MGAT4C: variants seen among roughly 807,000 people sequenced by gnomAD.
MGAT4C encodes the protein alpha-1,3-mannosyl-glycoprotein 4-beta-N-acetylglucosaminyltransferase C.
Under a neutral mutation model 40.1 loss-of-function variants are expected in MGAT4C, and 19 were observed. That is an observed-to-expected ratio of 0.47 (90% CI 0.33 to 0.70). The LOEUF is 0.70. Among genes scored for constraint, MGAT4C ranks in the 30% least tolerant of loss-of-function variants. The probability of loss-of-function intolerance (pLI) is 0.02; values close to 1 mark genes in which losing one functional copy is unlikely to be tolerated. For missense variants in MGAT4C, 491 were observed against 563.2 expected (o/e 0.87, Z 1.30); for synonymous variants, 181 against 187.1 (o/e 0.97, Z 0.27).
chr12:86,499,337 C>T (rs1238863956), intron 2 of MGAT4C, among the ~76,000 whole-genome samples: 1 of 151,366 alleles, frequency 6.6e-6, no homozygotes, highest in African/African-American at 2.4e-5. Context: ...TATACATACT[C>T]TATAATACAC....
At chr12:86,684,700 C>G (rs779344046) in intron 2 of MGAT4C, among the ~76,000 whole-genome samples, 10 of 152,114 alleles carry the variant, frequency 6.6e-5, no homozygotes, top group East Asian at 5.8e-4. Context: ...TCTGTTGTTT[C>G]CTGACTTTTT....
intron 1 of MGAT4C, among the ~76,000 whole-genome samples, chr12:86,831,813 A>C (rs1377718123): frequency 5.3e-5 from 8 of 151,848 alleles, no homozygotes; most frequent in Admixed American, 5.3e-4. Flanking sequence ...TAGATATTAT[A>C]ATTAAAACCT....
At chr12:86,369,829 C>CA (rs1343427728) in intron 3 of MGAT4C, among the ~76,000 whole-genome samples, 2 of 151,940 alleles carry the variant, frequency 1.3e-5, no homozygotes, top group South Asian at 2.1e-4. Context: ...CTTCAATAGA[C>CA]AATTTATATG....
At chr12:86,373,656 T>C (rs1166359187) in intron 3 of MGAT4C, among the ~76,000 whole-genome samples, 1 of 148,998 alleles carries the variant, frequency 6.7e-6, no homozygotes, top group Non-Finnish European at 1.5e-5. Context: ...GAAAATAGTT[T>C]TTTTTTTTTT....
At chr12:86,025,492 T>C (rs563000310) in intron 2 of MGAT4C, among the ~76,000 whole-genome samples, 3 of 151,886 alleles carry the variant, frequency 2.0e-5, no homozygotes, top group South Asian at 2.1e-4. Context: ...AAAGATGTCA[T>C]GAGAGAATTA....
At position 85,971,752 on chromosome 12, in the gene MGAT4C, G is replaced by C. The variant is rs1883632933; in HGVS notation, c.*7537C>G. 6.6e-6 allele frequency: 1 copy of C among 151,154 alleles called. No homozygotes were observed. Among genetic ancestry groups the C allele is most frequent in the Non-Finnish European group, 1.5e-5 (1 of 67,340 alleles). The allele number at this position is 151,154 out of a possible 1,614,324, so 9.4% of individuals were successfully genotyped here. A position where few individuals can be genotyped will look rare whatever the true frequency, so the allele number is the denominator to read the frequency against. On this transcript the variant is annotated 3_prime_UTR_variant, in exon 5 of 5. Coordinates refer to ENST00000611864, the MANE Select transcript of MGAT4C (RefSeq NM_001351288.2). ...CAATGCTGACAGGAAAGAAGAACTT[G>C]CTTGAGGCAAAATCATGAAGTACAA...
rs201487310 is a variant in MGAT4C at position 86,770,435 on chromosome 12, C to T, written c.-261-43194G>A. 5.9e-5 allele frequency among the ~76,000 whole-genome samples: 9 copies of T among 152,090 alleles called. No individual in the cohort carries two copies. In the East Asian group the frequency reaches 1.5e-3, roughly 26 times the overall value. ...TGTTGTTTGCATTTTGTTAAATAAT[C>T]AAATGTTTCAAGAAACATTATATAA... On this transcript the variant is annotated intron_variant, in intron 1 of 7. Transcript: ENST00000548651.
At chr12:86,435,185 T>A (rs779572975) in exon 3 of MGAT4C, 7 of 151,978 alleles carry the variant, frequency 4.6e-5, no homozygotes, top group Non-Finnish European at 8.8e-5. Context: ...AACCTTGCTA[T>A]AGCGTTTTCT....
intron 2 of MGAT4C, among the ~76,000 whole-genome samples, chr12:86,653,447 T>G (rs1963752313): frequency 6.6e-6 from 1 of 151,950 alleles, no homozygotes; most frequent in African/African-American, 2.4e-5. Context: ...ATCATGAAGG[T>G]GCATGCATGC....
At chr12:86,013,254 C>T (rs918277289) in intron 2 of MGAT4C, among the ~76,000 whole-genome samples, 2 of 152,080 alleles carry the variant, frequency 1.3e-5, no homozygotes, top group South Asian at 2.1e-4. Flanking sequence ...TGATACTGTA[C>T]CAAGTAATTT....
intron 1 of MGAT4C, among the ~76,000 whole-genome samples, chr12:86,148,900 AAT>A (rs1479076255): frequency 6.6e-6 from 1 of 152,132 alleles, no homozygotes; most frequent in Non-Finnish European, 1.5e-5. Flanking sequence ...GAATAAAATT[AAT>A]GTTTGATTTT....
chr12:86,295,398 C>T (rs955685608), intron 4 of MGAT4C, among the ~76,000 whole-genome samples: 2 of 152,164 alleles, frequency 1.3e-5, no homozygotes, highest in Non-Finnish European at 2.9e-5. Flanking sequence ...GCTCTTAAGG[C>T]AGCGCGTCTG....
intron 1 of MGAT4C, among the ~76,000 whole-genome samples, chr12:86,071,912 C>T (rs561477297): frequency 6.6e-6 from 1 of 152,154 alleles, no homozygotes; most frequent in African/African-American, 2.4e-5. Flanking sequence ...GTTTTGGTCA[C>T]CAATTCTTAG....
intron 2 of MGAT4C, among the ~76,000 whole-genome samples, chr12:86,528,745 T>G (rs769286553): frequency 2.0e-5 from 3 of 152,144 alleles, no homozygotes; most frequent in Admixed American, 6.5e-5. Context: ...AAGACTTTAG[T>G]GTATGATTCA....
At chr12:86,834,528 T>A (rs1952997579) in intron 1 of MGAT4C, among the ~76,000 whole-genome samples, 1 of 151,772 alleles carries the variant, frequency 6.6e-6, no homozygotes, top group Non-Finnish European at 1.5e-5. Context: ...CAAGGCCATA[T>A]AATAGTATTT....
chr12:86,543,568 G>T (rs1959178745), intron 2 of MGAT4C, among the ~76,000 whole-genome samples: 1 of 151,638 alleles, frequency 6.6e-6, no homozygotes, highest in African/African-American at 2.4e-5. Flanking sequence ...TTCCACAATT[G>T]CATTAATTTA....
Position 86,405,167 on chromosome 12 carries a change from T to G in MGAT4C, c.-120+29990A>C, listed in dbSNP as rs4842495. On this transcript the variant is annotated intron_variant, in intron 3 of 7. Coordinates refer to the MGAT4C transcript ENST00000548651. ...CTATTCCAAATGGTGATGGACGTTC[T>G]TGCCAGTACAATAAGGCAAGAAATT... 3.9e-5 allele frequency among the ~76,000 whole-genome samples: 6 copies of G among 152,100 alleles called. No individual in the cohort carries two copies. The East Asian group carries it at 1.2e-3, about 29-fold the overall frequency.
intron 1 of MGAT4C, among the ~76,000 whole-genome samples, chr12:86,773,747 T>G (rs1333830866): frequency 6.6e-6 from 1 of 151,920 alleles, no homozygotes; most frequent in Non-Finnish European, 1.5e-5. Flanking sequence ...GTGTATATAT[T>G]TGTACACTTT....
chr12:85,981,084 T>C (rs1310308637), intron 4 of MGAT4C, among the ~76,000 whole-genome samples: 1 of 152,100 alleles, frequency 6.6e-6, no homozygotes, highest in Non-Finnish European at 1.5e-5. Flanking sequence ...TAAGACACAT[T>C]CAAAAAACTT....
Sources: allele counts gnomAD v4.1 joint callset (sites outside exome capture counted in the v4.1 genomes callset), GRCh38; gene constraint gnomAD v4.1.1; transcripts MANE v1.5; gene names NCBI Gene and HGNC (gene_info 2026-07-23, HGNC 2026-07-21).